The following SGCZ variants were observed in gnomAD, a reference collection of about 807,000 sequenced individuals.
SGCZ encodes zeta-sarcoglycan.
Under a neutral mutation model 41.3 loss-of-function variants are expected in SGCZ, and 40 were observed. That is an observed-to-expected ratio of 0.97 (90% confidence interval 0.75 to 1.26). The LOEUF is 1.26. Among genes scored for constraint, SGCZ ranks in the 50% most tolerant of loss-of-function variants. The pLI is 0.00. For missense variants in SGCZ, 552 were observed against 369.8 expected, an observed-to-expected ratio of 1.49 and a Z score of -4.04; for synonymous variants, 206 against 137.5, an observed-to-expected ratio of 1.50 and a Z score of -3.49.
intron 2 of SGCZ, among the ~76,000 whole-genome samples, chr8:14,400,007 G>T (rs28681448): frequency 6.6e-6 from 1 of 151,238 alleles, no homozygotes; most frequent in Non-Finnish European, 1.5e-5. Flanking sequence ...TTCCTCCCCC[G>T]TTAAGCCCCT....
chr8:14,338,712 A>G (rs1459729307), intron 2 of SGCZ, among the ~76,000 whole-genome samples: 1 of 152,116 alleles, frequency 6.6e-6, no homozygotes, highest in Non-Finnish European at 1.5e-5. Flanking sequence ...ATTTTTGAAA[A>G]CTTTCTTATG....
chr8:14,479,459 A>T (rs1801460049), intron 2 of SGCZ, among the ~76,000 whole-genome samples: 1 of 152,082 alleles, frequency 6.6e-6, no homozygotes, highest in African/African-American at 2.4e-5. Flanking sequence ...TCACTGACAA[A>T]GGTTAACCTC....
intron 3 of SGCZ, among the ~76,000 whole-genome samples, chr8:14,322,723 C>G (rs1307273315): frequency 1.3e-4 from 20 of 152,094 alleles, no homozygotes; most frequent in Non-Finnish European, 7.4e-5. Context: ...TTGGCCTATG[C>G]TTAGTTTCAC....
At chr8:14,505,203 G>T (rs1043310824) in intron 2 of SGCZ, among the ~76,000 whole-genome samples, 2 of 151,946 alleles carry the variant, frequency 1.3e-5, no homozygotes, top group African/African-American at 4.8e-5. Context: ...AGTTATTAAA[G>T]GTTCTTAAGT....
chr8:14,122,134 G>A (rs190731050), intron 5 of SGCZ, among the ~76,000 whole-genome samples: 3 of 152,256 alleles, frequency 2.0e-5, no homozygotes, highest in Admixed American at 6.5e-5. Context: ...AAAAATAGCC[G>A]CGCATGGCGG....
intron 4 of SGCZ, among the ~76,000 whole-genome samples, chr8:14,194,477 G>A (rs1805203506): frequency 6.6e-6 from 1 of 151,754 alleles, no homozygotes; most frequent in South Asian, 2.1e-4. Flanking sequence ...CTCTCATTGT[G>A]GTCATACTTT....
intron 1 of SGCZ, among the ~76,000 whole-genome samples, chr8:15,211,834 C>A (rs1268755548): frequency 2.0e-5 from 3 of 152,052 alleles, no homozygotes; most frequent in African/African-American, 4.8e-5. Context: ...TATAGGCATC[C>A]AAATTCCATT....
chr8:15,020,642 A>G (rs1422878254), intron 1 of SGCZ, among the ~76,000 whole-genome samples: 2 of 152,220 alleles, frequency 1.3e-5, no homozygotes, highest in Non-Finnish European at 2.9e-5. Flanking sequence ...TAAATAATAT[A>G]ACTGGCATGC....
chr8:14,741,260 C>T (rs536939224), intron 1 of SGCZ, among the ~76,000 whole-genome samples: 54 of 152,072 alleles, frequency 3.6e-4, no homozygotes, highest in Non-Finnish European at 6.8e-4. Flanking sequence ...GAGCAATAAC[C>T]GTATTAACAT....
intron 2 of SGCZ, among the ~76,000 whole-genome samples, chr8:14,540,212 T>C (rs1391820639): frequency 7.0e-6 from 1 of 141,946 alleles, no homozygotes; most frequent in Non-Finnish European, 1.5e-5. Context: ...GGCTATTTTC[T>C]CTGCTTAATT....
chr8:14,478,928 C>T (rs866495330), intron 2 of SGCZ, among the ~76,000 whole-genome samples: 1 of 152,190 alleles, frequency 6.6e-6, no homozygotes, highest in South Asian at 2.1e-4. Flanking sequence ...TCTACACCTA[C>T]ATTCTGTTCT....
At chr8:14,377,927 C>T (rs530290601) in intron 2 of SGCZ, among the ~76,000 whole-genome samples, 51,241 of 146,486 alleles carry the variant, frequency 0.35, 9,949 homozygotes, top group African/African-American at 0.52. Flanking sequence ...TCCAGTCTAT[C>T]ATCGTTGGAC....
intron 3 of SGCZ, among the ~76,000 whole-genome samples, chr8:14,292,476 T>A (rs372964245): frequency 2.0e-5 from 3 of 151,952 alleles, no homozygotes; most frequent in East Asian, 3.9e-4. Flanking sequence ...AACAGTAAAC[T>A]AGAGATCAAC....
At chr8:14,131,760 T>G (rs761879952) in intron 5 of SGCZ, among the ~76,000 whole-genome samples, 1 of 152,212 alleles carries the variant, frequency 6.6e-6, no homozygotes, top group Non-Finnish European at 1.5e-5. Context: ...ATAACATATA[T>G]GACAGCGATC....
chr8:14,272,368 T>C (rs929932277), intron 3 of SGCZ, among the ~76,000 whole-genome samples: 2 of 152,208 alleles, frequency 1.3e-5, no homozygotes, highest in African/African-American at 4.8e-5. Context: ...TGACGGACTT[T>C]TCCTGAGACA....
intron 2 of SGCZ, among the ~76,000 whole-genome samples, chr8:14,485,348 C>T (rs1036697118): frequency 1.9e-4 from 29 of 152,006 alleles, no homozygotes; most frequent in Admixed American, 8.5e-4. Flanking sequence ...GCGATTCTCC[C>T]GCCTCAGCCT....
chr8:14,846,973 G>A (rs1394668853), intron 1 of SGCZ, among the ~76,000 whole-genome samples: 1 of 152,090 alleles, frequency 6.6e-6, no homozygotes, highest in East Asian at 1.9e-4. Flanking sequence ...TTGGGAGGCT[G>A]AGGCAGGAGA....
chr8:14,331,556 C>A (rs1673873955), intron 2 of SGCZ, among the ~76,000 whole-genome samples: 1 of 152,002 alleles, frequency 6.6e-6, no homozygotes, highest in South Asian at 2.1e-4. Context: ...AGGAAATAAA[C>A]TCTATAGTGG....
rs1455561007 is a variant in SGCZ at position 14,086,127 on chromosome 8, G to C, written c.*4316C>G. On this transcript the variant is annotated 3_prime_UTR_variant, in exon 8 of 8. Transcript: ENST00000382080. Reference sequence around the variant, plus strand: ...AATTTCTCCATATGTCATTAAATATGATCACATGAACAACTCTTATTAGAC... The same window carrying C: ...AATTTCTCCATATGTCATTAAATATCATCACATGAACAACTCTTATTAGAC... Among the ~76,000 whole-genome samples, 1 of 151,620 alleles carries C rather than the reference G, an allele frequency of 6.6e-6. No homozygotes were observed. Among genetic ancestry groups the C allele is most frequent in the African/African-American group, 2.4e-5 (1 of 41,364 alleles).
Sources: gnomAD v4.1 joint callset for allele counts (sites outside exome capture counted in the v4.1 genomes callset) on GRCh38, gnomAD v4.1.1 for gene constraint, MANE v1.5 for transcripts, NCBI Gene and HGNC (gene_info 2026-07-23, HGNC 2026-07-21) for gene names.